PLGRKT: variants seen among roughly 807,000 people sequenced by gnomAD.
PLGRKT encodes plasminogen receptor (KT).
In PLGRKT, 22 loss-of-function variants were observed where a neutral mutation model predicts 18.5. That is an observed-to-expected ratio of 1.19 (90% confidence interval 0.85 to 1.70). The LOEUF (loss-of-function observed/expected upper bound fraction) is 1.70. Ranked by LOEUF, PLGRKT falls within the 40% of genes most tolerant of loss-of-function variation. PLGRKT has a pLI of 0.00. For missense variants in PLGRKT, 235 were observed against 174.4 expected (o/e 1.35, Z -1.96); for synonymous variants, 72 against 52.8 (o/e 1.36, Z -1.58).
Position 5,418,814 on chromosome 9 carries a change from C to T in PLGRKT, c.81+13083G>A, listed in dbSNP as rs1208880209. The T allele has an allele frequency of 3.7e-5, 35 of 956,316 alleles. No individual in the cohort carries two copies. Among genetic ancestry groups the T allele is most frequent in the East Asian group, 7.6e-5 (3 of 39,432 alleles). The allele number at this position is 956,316 out of a possible 1,614,324, so 59.2% of individuals were successfully genotyped here. A position where few individuals can be genotyped will look rare whatever the true frequency, so the allele number is the denominator to read the frequency against. ...AAGTCAGGGGGCAGCTTGGTGACAC[C>T]GCTGCACCAGGGGCATCGCACATCC... On this transcript the variant is annotated intron_variant, in intron 3 of 5. Coordinates refer to ENST00000223864, the MANE Select transcript of PLGRKT (RefSeq NM_018465.4). The surrounding 1 kb of genome is among the most constrained non-coding windows in gnomAD (Gnocchi z 4.2).
chr9:5,423,890 T>A (rs1400139048), intron 3 of PLGRKT, among the ~76,000 whole-genome samples: 1 of 147,250 alleles, frequency 6.8e-6, no homozygotes, highest in Admixed American at 6.9e-5. Context: ...ATATAGTCTA[T>A]AATATATATT....
In PLGRKT at chr9:5,382,228, G is replaced by C. The variant is rs772572566; in HGVS notation, c.82-20340C>G. On this transcript the variant is annotated intron_variant, in intron 3 of 5. Coordinates refer to ENST00000223864, the MANE Select transcript of PLGRKT (RefSeq NM_018465.4). Reference sequence around the variant, plus strand: ...ATGGAAGACAGCACCTGCCCTCATCGAGTCTAGTCTAGCAGAGGCAGAGAA... The same window carrying C: ...ATGGAAGACAGCACCTGCCCTCATCCAGTCTAGTCTAGCAGAGGCAGAGAA... 3.3e-5 allele frequency among the ~76,000 whole-genome samples: 5 copies of C among 152,186 alleles called. No homozygotes were observed. The South Asian group carries it at 1.0e-3, about 31-fold the overall frequency.
chr9:5,401,132 G>C (rs900742140), intron 3 of PLGRKT, among the ~76,000 whole-genome samples: 1 of 151,758 alleles, frequency 6.6e-6, no homozygotes, highest in African/African-American at 2.4e-5. Flanking sequence ...TGGCCAATAG[G>C]GGAATTTAAG....
intron 3 of PLGRKT, among the ~76,000 whole-genome samples, chr9:5,419,988 A>G (rs1210160952): frequency 6.6e-6 from 1 of 152,238 alleles, no homozygotes; most frequent in African/African-American, 2.4e-5. Flanking sequence ...CCACCAACAT[A>G]TGACTAGGTA....
At chr9:5,401,284 T>A (rs771779865) in intron 3 of PLGRKT, among the ~76,000 whole-genome samples, 3 of 138,972 alleles carry the variant, frequency 2.2e-5, no homozygotes, top group Non-Finnish European at 4.6e-5. Flanking sequence ...ATTTTAAATA[T>A]AGGACGGGCT....
At chr9:5,416,699 T>C (rs1274216506) in intron 3 of PLGRKT, among the ~76,000 whole-genome samples, 1 of 152,022 alleles carries the variant, frequency 6.6e-6, no homozygotes, top group Non-Finnish European at 1.5e-5. Flanking sequence ...CTCACTTAAG[T>C]TTGTGAACAA....
chr9:5,419,015 G>A (rs1266964804), intron 3 of PLGRKT: 1 of 529,794 alleles, frequency 1.9e-6, no homozygotes. Flanking sequence ...CAAGGGGAAG[G>A]GGAGGGAGCT....
chr9:5,388,947 C>T (rs1370114517), intron 3 of PLGRKT, among the ~76,000 whole-genome samples: 3 of 151,978 alleles, frequency 2.0e-5, no homozygotes, highest in Non-Finnish European at 4.4e-5. Context: ...CAACGTCCTC[C>T]AGCTGAAGGT....
chr9:5,379,498 A>ATG (rs1491429942), intron 3 of PLGRKT, among the ~76,000 whole-genome samples: 50 of 151,670 alleles, frequency 3.3e-4, no homozygotes, highest in Non-Finnish European at 4.4e-4. Flanking sequence ...ATGTGAGTGG[A>ATG]TATGTGTGTG....
chr9:5,415,025 C>T (rs78298180), intron 3 of PLGRKT, among the ~76,000 whole-genome samples: 10,315 of 152,180 alleles, frequency 0.068, 472 homozygotes, highest in South Asian at 0.16. Context: ...AGTAAGCATA[C>T]CCAGAGCCCA....
chr9:5,388,362 T>C (rs1586718452), intron 3 of PLGRKT, among the ~76,000 whole-genome samples: 1 of 151,934 alleles, frequency 6.6e-6, no homozygotes, highest in African/African-American at 2.4e-5. Context: ...AGCACTGAGA[T>C]ATCGCAAGCT....
chr9:5,382,087 T>C (rs893210126), intron 3 of PLGRKT: 30 of 768,002 alleles, frequency 3.9e-5, no homozygotes, highest in Non-Finnish European at 4.6e-5. Flanking sequence ...TTAGAGAAAT[T>C]CAGAATTATT....
At chr9:5,432,061 G>A in intron 2 of PLGRKT, 78 bp from the exon 3 acceptor site, 1 of 687,572 alleles carries the variant, frequency 1.5e-6, no homozygotes, top group East Asian at 2.6e-5. Flanking sequence ...GAGCTACCTT[G>A]GGCTTATGAC....
At chr9:5,421,466 C>T (rs1181479738) in intron 3 of PLGRKT, among the ~76,000 whole-genome samples, 2 of 152,210 alleles carry the variant, frequency 1.3e-5, no homozygotes, top group Non-Finnish European at 2.9e-5. Flanking sequence ...TGGTTTGTTG[C>T]ATGTGTTCCC....
At chr9:5,397,729 T>C (rs1219309511) in intron 3 of PLGRKT, among the ~76,000 whole-genome samples, 1 of 151,766 alleles carries the variant, frequency 6.6e-6, no homozygotes, top group Non-Finnish European at 1.5e-5. Context: ...GCAAGAACAC[T>C]ACAAGCAGCT....
intron 3 of PLGRKT, among the ~76,000 whole-genome samples, chr9:5,413,550 G>A (rs1280021603): frequency 6.6e-6 from 1 of 152,184 alleles, no homozygotes; most frequent in Non-Finnish European, 1.5e-5. Flanking sequence ...CATGCTGCTA[G>A]CTTAAATGTG....
intron 3 of PLGRKT, among the ~76,000 whole-genome samples, chr9:5,424,638 T>C: frequency 8.8e-6 from 1 of 113,024 alleles, no homozygotes; most frequent in African/African-American, 4.0e-5. Context: ...TATTAATATA[T>C]TTACATTATA....
upstream of PLGRKT, among the ~76,000 whole-genome samples, chr9:5,438,054 G>A (rs986299914): frequency 6.6e-6 from 1 of 152,216 alleles, no homozygotes; most frequent in African/African-American, 2.4e-5. Context: ...CAAATTCAAA[G>A]CCGCGGCGAC....
At chr9:5,413,483 G>A (rs1818402757) in intron 3 of PLGRKT, among the ~76,000 whole-genome samples, 1 of 152,150 alleles carries the variant, frequency 6.6e-6, no homozygotes, top group African/African-American at 2.4e-5. Flanking sequence ...AATCACAAGG[G>A]TCCTAAAAGT....
Sources: gnomAD v4.1 joint callset for allele counts (sites outside exome capture counted in the v4.1 genomes callset) on GRCh38, gnomAD v4.1.1 for gene constraint, Gnocchi (gnomAD v3.1) non-coding constraint, MANE v1.5 for transcripts, NCBI Gene and HGNC (gene_info 2026-07-23, HGNC 2026-07-21) for gene names.